The following SNTG2 variants were observed in gnomAD, a reference collection of about 807,000 sequenced individuals.
The protein encoded by SNTG2 is gamma-2-syntrophin.
SNTG2 carries 74 observed loss-of-function variants against 70.9 expected under a neutral mutation model. The ratio of observed to expected loss-of-function variants is 1.04; its 90% CI spans 0.86 to 1.27. The LOEUF is 1.27. Among genes scored for constraint, SNTG2 ranks in the 50% most tolerant of loss-of-function variants. The pLI, the probability that SNTG2 is intolerant of heterozygous loss-of-function variation, is 0.00. For missense variants in SNTG2, 717 were observed against 690.7 expected, an observed-to-expected ratio of 1.04 and a Z score of -0.43; for synonymous variants, 278 against 273.8, an observed-to-expected ratio of 1.02 and a Z score of -0.15.
chr2:1,033,870 C>T (rs1660981236), intron 1 of SNTG2, among the ~76,000 whole-genome samples: 1 of 152,212 alleles, frequency 6.6e-6, no homozygotes, highest in African/African-American at 2.4e-5. Context: ...TTTCCAGTTT[C>T]TTCCTAACCC....
chr2:952,642 C>A lies in SNTG2; in HGVS notation c.72+1574C>A, dbSNP rs142393926. Among the ~76,000 whole-genome samples, 3 of 148,674 alleles carry A rather than the reference C, an allele frequency of 2.0e-5. No individual in the cohort carries two copies. The East Asian group carries it at 5.8e-4, about 29-fold the overall frequency. ...ACCTTGATTATTTGAAACAGCCTGT[C>A]TGAATTGTATTGAAAGAAACTTTTT... On this transcript the variant is annotated intron_variant, in intron 1 of 16. Transcript: ENST00000308624.
chr2:968,179 G>T (rs982956638), intron 1 of SNTG2, among the ~76,000 whole-genome samples: 4 of 151,688 alleles, frequency 2.6e-5, no homozygotes, highest in African/African-American at 9.7e-5. Flanking sequence ...CTATGATAAG[G>T]GCTTATTCAC....
At chr2:967,974 G>A (rs757076798) in intron 1 of SNTG2, among the ~76,000 whole-genome samples, 2 of 151,932 alleles carry the variant, frequency 1.3e-5, no homozygotes, top group Admixed American at 6.6e-5. Flanking sequence ...GCTGTGAGCC[G>A]AGATTGTGCC....
intron 4 of SNTG2, among the ~76,000 whole-genome samples, chr2:1,112,766 C>T (rs1169008976): frequency 6.6e-6 from 1 of 150,928 alleles, no homozygotes. Context: ...CCTTACAGTC[C>T]TTTGAGGAGG....
intron 1 of SNTG2, among the ~76,000 whole-genome samples, chr2:1,045,327 T>TA (rs1031052419): frequency 2.1e-4 from 32 of 151,190 alleles, no homozygotes; most frequent in African/African-American, 4.1e-4. Flanking sequence ...TTTTATTCAC[T>TA]AAAAAAAAAC....
chr2:1,331,999 T>C (rs1158354115), intron 16 of SNTG2, among the ~76,000 whole-genome samples: 1 of 152,118 alleles, frequency 6.6e-6, no homozygotes, highest in Non-Finnish European at 1.5e-5. Flanking sequence ...GCCTGGTGCC[T>C]GCTCGGCTGC....
At chr2:1,054,076 A>G (rs571161962) in intron 1 of SNTG2, among the ~76,000 whole-genome samples, 1 of 152,250 alleles carries the variant, frequency 6.6e-6, no homozygotes, top group African/African-American at 2.4e-5. Flanking sequence ...CACCAGCATG[A>G]CAGGCACCAC....
chr2:1,253,366 A>C (rs762834004), intron 12 of SNTG2, among the ~76,000 whole-genome samples: 2 of 152,164 alleles, frequency 1.3e-5, no homozygotes, highest in African/African-American at 4.8e-5. Context: ...AATGTCCCTG[A>C]ATGATTCACT....
At chr2:1,213,125 T>C (rs1051259311) in intron 9 of SNTG2, among the ~76,000 whole-genome samples, 2 of 152,212 alleles carry the variant, frequency 1.3e-5, no homozygotes, top group African/African-American at 4.8e-5. Context: ...ATATAATTAA[T>C]GTACAATGTT....
chr2:1,325,927 G>A (rs1222661048), intron 16 of SNTG2, among the ~76,000 whole-genome samples: 5 of 151,814 alleles, frequency 3.3e-5, no homozygotes, highest in South Asian at 4.2e-4. Flanking sequence ...TCTGCCTCCC[G>A]GTTTCAAGTG....
At chr2:1,281,252 G>A (rs1160869739) in intron 14 of SNTG2, among the ~76,000 whole-genome samples, 1 of 5,094 alleles carries the variant, frequency 2.0e-4, no homozygotes, top group East Asian at 8.1e-3. Flanking sequence ...TGTGGTGTGT[G>A]TGTGGTGGTA....
At chr2:1,323,480 G>A (rs1312258114) in intron 16 of SNTG2, among the ~76,000 whole-genome samples, 1 of 115,098 alleles carries the variant, frequency 8.7e-6, no homozygotes, top group Non-Finnish European at 1.9e-5. Context: ...AGTAGACTAG[G>A]ACAAGACTAA....
chr2:1,258,390 C>G (rs928261887), intron 12 of SNTG2, among the ~76,000 whole-genome samples: 1 of 152,198 alleles, frequency 6.6e-6, no homozygotes, highest in African/African-American at 2.4e-5. Context: ...TCAAATTGTT[C>G]CCTTTACTTA....
intron 8 of SNTG2, among the ~76,000 whole-genome samples, chr2:1,173,731 A>G (rs1157803195): frequency 1.3e-5 from 2 of 151,998 alleles, no homozygotes; most frequent in African/African-American, 4.8e-5. Flanking sequence ...CATGGGGCTC[A>G]CACTCTCCTT....
chr2:1,230,112 G>C (rs907386259), intron 9 of SNTG2, among the ~76,000 whole-genome samples: 2 of 152,356 alleles, frequency 1.3e-5, no homozygotes, highest in East Asian at 1.9e-4. Flanking sequence ...AGGAGGCGCC[G>C]AGAGCGAGCG....
At chr2:1,133,573 T>C (rs112220791) in intron 4 of SNTG2, among the ~76,000 whole-genome samples, 443 of 152,336 alleles carry the variant, frequency 2.9e-3, no homozygotes, top group African/African-American at 0.01. Context: ...AGAATCACTT[T>C]TCAGCTAAAA....
intron 4 of SNTG2, among the ~76,000 whole-genome samples, chr2:1,129,981 G>A (rs1490177828): frequency 6.6e-6 from 1 of 152,212 alleles, no homozygotes; most frequent in African/African-American, 2.4e-5. Context: ...AACATTTGTA[G>A]GGAGCAAGTC....
At chr2:1,357,943 A>G (rs1660937431) in intron 16 of SNTG2, among the ~76,000 whole-genome samples, 1 of 152,108 alleles carries the variant, frequency 6.6e-6, no homozygotes, top group South Asian at 2.1e-4. Context: ...ATAAAATACC[A>G]TGGTGTAAAC....
In SNTG2 at chr2:1,244,564, C is replaced by T. The variant is rs182405963; in HGVS notation, c.889-2763C>T. Reference sequence around the variant, plus strand: ...ACAAAAAATTAGCAGGGCGTGGTGGCGGGCGCCTCTGGTCCCAGCTACTCG... The same window carrying T: ...ACAAAAAATTAGCAGGGCGTGGTGGTGGGCGCCTCTGGTCCCAGCTACTCG... On this transcript the variant is annotated intron_variant, in intron 11 of 16. Coordinates refer to ENST00000308624, the MANE Select transcript of SNTG2 (RefSeq NM_018968.4). Among the ~76,000 whole-genome samples, 226 of 151,944 alleles carry T rather than the reference C, an allele frequency of 1.5e-3. 1 individual carries two copies. Among genetic ancestry groups the T allele is most frequent in the African/African-American group, 5.3e-3 (219 of 41,432 alleles).
Sources: allele counts gnomAD v4.1 joint callset (sites outside exome capture counted in the v4.1 genomes callset), GRCh38; gene constraint gnomAD v4.1.1; transcripts MANE v1.5; gene names NCBI Gene and HGNC (gene_info 2026-07-23, HGNC 2026-07-21).